Variants in TBC1D14 observed in about 807,000 individuals in gnomAD.
The protein encoded by TBC1D14 is TBC1 domain family member 14, also known as TBC1 domain family, member 14.
In TBC1D14, 26 loss-of-function variants were observed where a neutral mutation model predicts 79.0. That is an observed-to-expected ratio of 0.33 (90% CI 0.24 to 0.46). TBC1D14 has a LOEUF of 0.46. Among genes scored for constraint, TBC1D14 ranks in the 20% least tolerant of loss-of-function variants. The pLI is 1.00. For synonymous variants in TBC1D14, 394 were observed against 349.9 expected (o/e 1.13, Z -1.40); for missense variants, 769 against 887.6 (o/e 0.87, Z 1.70).
chr4:6,938,709 C>A (rs1712583948), intron 2 of TBC1D14, among the ~76,000 whole-genome samples: 1 of 152,230 alleles, frequency 6.6e-6, no homozygotes, highest in South Asian at 2.1e-4. Context: ...CATGAGAGGA[C>A]CAGCCTTGCC....
chr4:6,979,280 GAA>G, intron 3 of TBC1D14, among the ~76,000 whole-genome samples: 1 of 152,158 alleles, frequency 6.6e-6, no homozygotes, highest in Non-Finnish European at 1.5e-5. Flanking sequence ...TAAATGATCT[GAA>G]CACAGCAGTT....
At chr4:6,936,717 A>G (rs1253806072) in intron 2 of TBC1D14, among the ~76,000 whole-genome samples, 1 of 152,190 alleles carries the variant, frequency 6.6e-6, no homozygotes, top group Non-Finnish European at 1.5e-5. Flanking sequence ...TGTCTTCCAA[A>G]GGGGCGATAC....
At chr4:6,952,749 C>T (rs1223595489) in intron 2 of TBC1D14, among the ~76,000 whole-genome samples, 1 of 152,144 alleles carries the variant, frequency 6.6e-6, no homozygotes, top group African/African-American at 2.4e-5. Context: ...GAGGATGATT[C>T]TGCAGGGGCT....
At chr4:7,005,396 G>A (rs1165767692) in intron 8 of TBC1D14, among the ~76,000 whole-genome samples, 2 of 152,210 alleles carry the variant, frequency 1.3e-5, no homozygotes, top group African/African-American at 4.8e-5. Context: ...TTAGCCAGGT[G>A]TGGTGGTGGG....
At chr4:6,948,857 G>T (rs190634079) in intron 2 of TBC1D14, among the ~76,000 whole-genome samples, 6 of 151,326 alleles carry the variant, frequency 4.0e-5, no homozygotes, top group Non-Finnish European at 7.4e-5. Context: ...GAGCCACCAC[G>T]CCTGGCTAAT....
chr4:6,988,892 T>TC lies in TBC1D14; in HGVS notation c.844-5292_844-5291insC, dbSNP rs1383426317. On this transcript the variant is annotated intron_variant, in intron 3 of 13. Transcript: ENST00000409757. ...TTCTTTCTTTCTTTCTTTCTTTTTTTTTTTTTTTTTTTTTTTGAGACAGGG... is the reference window on the plus strand; with the variant it reads ...TTCTTTCTTTCTTTCTTTCTTTTTTTCTTTTTTTTTTTTTTTTGAGACAGGG... 5.9e-4 allele frequency among the ~76,000 whole-genome samples: 81 copies of TC among 136,480 alleles called. 2 individuals carry two copies. Among genetic ancestry groups the TC allele is most frequent in the Non-Finnish European group, 9.6e-4 (61 of 63,368 alleles). 89.5% of individuals were successfully genotyped at this position (136,480 alleles called of 152,430 possible). A position where few individuals can be genotyped will look rare whatever the true frequency, so the allele number is the denominator to read the frequency against.
intron 3 of TBC1D14, among the ~76,000 whole-genome samples, chr4:6,990,882 A>G (rs546581094): frequency 2.7e-5 from 4 of 149,670 alleles, no homozygotes; most frequent in African/African-American, 5.0e-5. Flanking sequence ...CTGATAATCC[A>G]CAACTGAGTG....
intron 2 of TBC1D14, among the ~76,000 whole-genome samples, chr4:6,953,661 A>G (rs1714331182): frequency 1.4e-5 from 2 of 146,818 alleles, no homozygotes; most frequent in African/African-American, 2.5e-5. Context: ...AGAATAGATC[A>G]GTTTTGGGGG....
At chr4:7,027,978 C>A (rs865976255) in intron 13 of TBC1D14, among the ~76,000 whole-genome samples, 1 of 136,562 alleles carries the variant, frequency 7.3e-6, no homozygotes, top group African/African-American at 2.7e-5. Context: ...GCCCACCCCC[C>A]CACACATAGA....
chr4:6,955,558 C>T (rs116821299), intron 2 of TBC1D14, among the ~76,000 whole-genome samples: 134 of 152,246 alleles, frequency 8.8e-4, no homozygotes, highest in Non-Finnish European at 1.5e-3. Context: ...CCATGGGAGC[C>T]GAGTGCTGCA....
chr4:6,990,077 T>C (rs1156536986), intron 3 of TBC1D14, among the ~76,000 whole-genome samples: 2 of 152,258 alleles, frequency 1.3e-5, no homozygotes, highest in Non-Finnish European at 2.9e-5. Flanking sequence ...CTGTGTTTTA[T>C]TGTTTTGTTT....
At chr4:7,021,351 A>G (rs1721814920) in intron 12 of TBC1D14, among the ~76,000 whole-genome samples, 1 of 152,248 alleles carries the variant, frequency 6.6e-6, no homozygotes, top group African/African-American at 2.4e-5. Context: ...TAGTCCCAGC[A>G]CTTTGAGAGG....
intron 1 of TBC1D14, among the ~76,000 whole-genome samples, chr4:6,918,619 G>A (rs1354891685): frequency 6.6e-6 from 1 of 152,196 alleles, no homozygotes; most frequent in Non-Finnish European, 1.5e-5. Context: ...CCTCATTTGA[G>A]GTCGCCTTAC....
chr4:6,968,693 A>AGGAGGCCGACTGCCGG (rs77487546), intron 3 of TBC1D14, among the ~76,000 whole-genome samples: 1 of 148,108 alleles, frequency 6.8e-6, no homozygotes, highest in Non-Finnish European at 1.5e-5. Context: ...CTGACCGCCG[A>AGGAGGCCGACTGCCGG]GAGGAGGCTG....
chr4:6,944,067 T>C (rs1713189588), intron 2 of TBC1D14, among the ~76,000 whole-genome samples: 1 of 152,210 alleles, frequency 6.6e-6, no homozygotes, highest in African/African-American at 2.4e-5. Context: ...TAGATCTTTT[T>C]AGCTTAGATA....
chr4:7,018,375 T>G (rs1721485251), intron 12 of TBC1D14, among the ~76,000 whole-genome samples: 1 of 152,074 alleles, frequency 6.6e-6, no homozygotes, highest in Non-Finnish European at 1.5e-5. Context: ...TGGCTACACT[T>G]TGGGTCAGAA....
chr4:6,998,609 G>A (rs1719322214), intron 5 of TBC1D14, among the ~76,000 whole-genome samples: 1 of 151,756 alleles, frequency 6.6e-6, no homozygotes, highest in Admixed American at 6.6e-5. Context: ...TGCTATCTCG[G>A]CTCACTGCAA....
At chr4:7,021,224 A>G (rs1012533784) in intron 12 of TBC1D14, among the ~76,000 whole-genome samples, 3 of 152,214 alleles carry the variant, frequency 2.0e-5, no homozygotes, top group Admixed American at 6.5e-5. Context: ...CTCACGTATC[A>G]CGGGGGAAAC....
intron 10 of TBC1D14, 125 bp downstream of exon 10, chr4:7,010,073 CTCG>C (rs1283532422): frequency 8.3e-6 from 9 of 1,081,598 alleles, no homozygotes; most frequent in Non-Finnish European, 1.1e-5. Context: ...TATGAAAAGT[CTCG>C]TGGTAAGTGA....
Sources: gnomAD v4.1 joint callset for allele counts (sites outside exome capture counted in the v4.1 genomes callset) on GRCh38, gnomAD v4.1.1 for gene constraint, MANE v1.5 for transcripts, NCBI Gene and HGNC (gene_info 2026-07-23, HGNC 2026-07-21) for gene names.